The following RNF32 variants were observed in gnomAD, a reference collection of about 807,000 sequenced individuals.
RNF32 encodes the protein ring finger protein 32.
In RNF32, 36 loss-of-function variants were observed where a neutral mutation model predicts 41.0. The observed-to-expected ratio is 0.88, with a 90% CI of 0.67 to 1.16. The LOEUF (loss-of-function observed/expected upper bound fraction) is 1.16. RNF32 is among the 50% of genes most tolerant of loss of function. The pLI is 0.00. For synonymous variants in RNF32, 154 were observed against 160.9 expected (o/e 0.96, Z 0.32); for missense variants, 413 against 436.7 (o/e 0.95, Z 0.48).
intron 7 of RNF32, among the ~76,000 whole-genome samples, chr7:156,675,432 C>T (rs1803655372): frequency 1.3e-5 from 2 of 152,122 alleles, no homozygotes. Flanking sequence ...AATGTTTTTT[C>T]CTTAAAATAT....
chr7:156,665,280 G>A (rs537792349), intron 7 of RNF32, among the ~76,000 whole-genome samples: 3 of 152,308 alleles, frequency 2.0e-5, no homozygotes, highest in African/African-American at 4.8e-5. Context: ...TTCCAGGCAT[G>A]CCAGGTTTTT....
chr7:156,662,670 A>G (rs1371830300), intron 7 of RNF32, among the ~76,000 whole-genome samples: 1 of 152,088 alleles, frequency 6.6e-6, no homozygotes, highest in African/African-American at 2.4e-5. Flanking sequence ...AAATCATTTT[A>G]AAATTACAAA....
At chr7:156,660,881 CAG>C (rs1800547280) in intron 7 of RNF32, among the ~76,000 whole-genome samples, 1 of 152,184 alleles carries the variant, frequency 6.6e-6, no homozygotes, top group African/African-American at 2.4e-5. Context: ...AGACATCAGT[CAG>C]TACATGGAAG....
At chr7:156,659,704 A>C in intron 7 of RNF32, 2 of 849,646 alleles carry the variant, frequency 2.4e-6, no homozygotes, top group Non-Finnish European at 2.8e-6. Flanking sequence ...TGGTGGTCTC[A>C]GCCCATTGAA....
intron 7 of RNF32, among the ~76,000 whole-genome samples, chr7:156,672,045 GA>G (rs11289679): frequency 0.083 from 12,595 of 152,162 alleles, 578 homozygotes; most frequent in South Asian, 0.19. Flanking sequence ...TTCTTCTGTG[GA>G]ATCAAACACC....
Position 156,654,687 on chromosome 7 carries a change from T to A in RNF32, c.386T>A (p.Ile129Asn). Reference protein sequence around the residue: ...LQGDSVQPCPICKEEFELRPQ... With the variant: ...LQGDSVQPCPNCKEEFELRPQ... ...GGGGACTCCGTGCAACCATGCCCCA[T>A]CTGTAAAGAAGAATTCGAGCTTCGT... is the stretch of plus-strand genomic sequence containing the variant. The change falls in exon 4 of 9, where the codon ATC becomes AAC. Residue 129 changes from isoleucine (I) to asparagine (N), a missense_variant. Physicochemically the swap from Ile to Asn is moderately radical, Grantham distance 149 (BLOSUM62 -3). Transcript: ENST00000317955. The A allele has an allele frequency of 1.2e-6, 2 of 1,614,068 alleles. No homozygotes were observed. Among genetic ancestry groups the A allele is most frequent in the Non-Finnish European group, 1.7e-6 (2 of 1,179,978 alleles).
At position 156,676,661 on chromosome 7, in the gene RNF32, T is replaced by C. The variant is rs145475840; in HGVS notation, c.*6T>C. 22 of 1,607,940 alleles carry C rather than the reference T, an allele frequency of 1.4e-5. No individual in the cohort carries two copies. In the African/African-American group the frequency reaches 2.4e-4, roughly 18 times the overall value. On this transcript the variant is annotated 3_prime_UTR_variant, in exon 9 of 9. Coordinates refer to ENST00000317955, the MANE Select transcript of RNF32 (RefSeq NM_030936.4). ...AGAAGATTCTTGAATGTTGAATTCA[T>C]AGTCAAGGAAAGTTAGGTAATTCTG...
At chr7:156,652,030 G>A (rs190741265) in intron 3 of RNF32, among the ~76,000 whole-genome samples, 17 of 152,232 alleles carry the variant, frequency 1.1e-4, no homozygotes, top group South Asian at 4.1e-4. Flanking sequence ...TCGTAGTGGC[G>A]ACGCTTCTCT....
chr7:156,664,962 G>GT (rs1801152188), intron 7 of RNF32, among the ~76,000 whole-genome samples: 1 of 151,982 alleles, frequency 6.6e-6, no homozygotes, highest in East Asian at 1.9e-4. Context: ...AAATTTTAAC[G>GT]TAAGATTATA....
chr7:156,644,071 C>G (rs1472972960), intron 2 of RNF32, among the ~76,000 whole-genome samples, 179 bp downstream of exon 2: 1 of 152,188 alleles, frequency 6.6e-6, no homozygotes, highest in African/African-American at 2.4e-5. Flanking sequence ...AAAACAATCT[C>G]TGGCGATATT....
chr7:156,664,318 G>A lies in RNF32; in HGVS notation c.684+5748G>A, dbSNP rs151093249. Among the ~76,000 whole-genome samples the A allele has an allele frequency of 4.2e-3, 635 of 152,224 alleles. 4 individuals are homozygous for A. Among genetic ancestry groups the A allele is most frequent in the Admixed American group, 7.7e-3 (118 of 15,288 alleles). On this transcript the variant is annotated intron_variant, in intron 7 of 8. Transcript: ENST00000317955. ...CTCTACTAAAAATACAATATTAGCC[G>A]GGCGTGGTGGCGCACGCCTGTAATC...
At chr7:156,674,165 C>T (rs1305844743) in intron 7 of RNF32, among the ~76,000 whole-genome samples, 1 of 152,220 alleles carries the variant, frequency 6.6e-6, no homozygotes, top group African/African-American at 2.4e-5. Flanking sequence ...GCCAGAGCTT[C>T]GGTCTCATAG....
intron 3 of RNF32, among the ~76,000 whole-genome samples, chr7:156,653,060 C>T (rs529300039): frequency 4.0e-5 from 6 of 150,842 alleles, no homozygotes; most frequent in East Asian, 2.0e-4. Flanking sequence ...CAGTGGTGTA[C>T]AGTCATGTCC....
chr7:156,665,852 G>A (rs36060475), intron 7 of RNF32, among the ~76,000 whole-genome samples: 1 of 152,200 alleles, frequency 6.6e-6, no homozygotes, highest in African/African-American at 2.4e-5. Flanking sequence ...AAAACACCAC[G>A]TACCATCAGA....
At chr7:156,663,728 C>T (rs1323877928) in intron 7 of RNF32, among the ~76,000 whole-genome samples, 2 of 151,992 alleles carry the variant, frequency 1.3e-5, no homozygotes, top group Non-Finnish European at 2.9e-5. Flanking sequence ...GAATAATAGA[C>T]AAACAATGAA....
At chr7:156,659,049 T>C (rs563138258) in intron 7 of RNF32, 1 of 1,404,042 alleles carries the variant, frequency 7.1e-7, no homozygotes, top group East Asian at 2.7e-5. Context: ...CTTCCATGTC[T>C]ACCCTTCCTC....
At chr7:156,664,752 C>T (rs1332269609) in intron 7 of RNF32, among the ~76,000 whole-genome samples, 1 of 152,154 alleles carries the variant, frequency 6.6e-6, no homozygotes, top group Admixed American at 6.5e-5. Context: ...TCATCATCCT[C>T]AGATGCCTTT....
intron 3 of RNF32, chr7:156,646,603 C>G: frequency 3.6e-6 from 3 of 839,056 alleles, no homozygotes; most frequent in South Asian, 1.6e-5. Context: ...CCCAGTACAT[C>G]AAGTATGTCC....
intron 7 of RNF32, chr7:156,658,907 A>G (rs776606055): frequency 1.3e-6 from 2 of 1,547,792 alleles, no homozygotes; most frequent in South Asian, 1.2e-5. Context: ...CTCCTGGGCT[A>G]TATGTAAATG....
Sources: gnomAD v4.1 joint callset for allele counts (sites outside exome capture counted in the v4.1 genomes callset) on GRCh38, gnomAD v4.1.1 for gene constraint, MANE v1.5 for transcripts, NCBI Gene and HGNC (gene_info 2026-07-23, HGNC 2026-07-21) for gene names.